The following CHCHD6 variants were observed in gnomAD, a reference collection of about 807,000 sequenced individuals.
CHCHD6 encodes MICOS complex subunit MIC25.
Under a neutral mutation model 32.3 loss-of-function variants are expected in CHCHD6, and 28 were observed. That is an observed-to-expected ratio of 0.87 (90% CI 0.64 to 1.19). The LOEUF (loss-of-function observed/expected upper bound fraction) is 1.19. CHCHD6 is among the 50% of genes most tolerant of loss of function. The probability of loss-of-function intolerance (pLI) is 0.00; values close to 1 mark genes in which losing one functional copy is unlikely to be tolerated. For missense variants in CHCHD6, 333 were observed against 307.0 expected (o/e 1.08, Z -0.63); for synonymous variants, 122 against 117.5 (o/e 1.04, Z -0.25).
chr3:126,955,959 A>G (rs2078777931), intron 6 of CHCHD6, among the ~76,000 whole-genome samples: 1 of 152,198 alleles, frequency 6.6e-6, no homozygotes, highest in Admixed American at 6.5e-5. Flanking sequence ...CATCACTGCT[A>G]AGTCAGCAGT....
At chr3:126,946,894 A>C (rs1354440293) in intron 6 of CHCHD6, among the ~76,000 whole-genome samples, 1 of 152,254 alleles carries the variant, frequency 6.6e-6, no homozygotes, top group Non-Finnish European at 1.5e-5. Flanking sequence ...AGGACATATA[A>C]TAGCCCAGTT....
intron 5 of CHCHD6, among the ~76,000 whole-genome samples, chr3:126,903,340 G>A (rs1027242611): frequency 3.3e-5 from 5 of 152,146 alleles, no homozygotes; most frequent in African/African-American, 9.7e-5. Context: ...AGGGCATAAC[G>A]TTGTCCCTTA....
intron 4 of CHCHD6, among the ~76,000 whole-genome samples, chr3:126,754,268 T>C (rs1297382485): frequency 1.3e-5 from 2 of 152,204 alleles, no homozygotes; most frequent in African/African-American, 4.8e-5. Context: ...GACAGCAATA[T>C]TGACTTCACA....
At chr3:126,723,816 G>A (rs1228895261) in intron 1 of CHCHD6, among the ~76,000 whole-genome samples, 1 of 152,132 alleles carries the variant, frequency 6.6e-6, no homozygotes, top group East Asian at 1.9e-4. Flanking sequence ...AGATATTCTG[G>A]AAGTGGAGTT....
chr3:126,782,377 C>G (rs1937986359), intron 4 of CHCHD6, among the ~76,000 whole-genome samples: 1 of 152,230 alleles, frequency 6.6e-6, no homozygotes, highest in Non-Finnish European at 1.5e-5. Context: ...TGACTGCGAG[C>G]TGTCTGACAT....
chr3:126,867,314 T>C (rs1250069802), intron 5 of CHCHD6, among the ~76,000 whole-genome samples: 1 of 152,232 alleles, frequency 6.6e-6, no homozygotes, highest in East Asian at 1.9e-4. Context: ...AATCAGTACC[T>C]CATCTCAAAG....
At chr3:126,811,591 A>C (rs1263074761) in intron 4 of CHCHD6, among the ~76,000 whole-genome samples, 2 of 150,614 alleles carry the variant, frequency 1.3e-5, no homozygotes, top group Non-Finnish European at 3.0e-5. Flanking sequence ...GCTGTTTTCT[A>C]TACTTTGAAT....
chr3:126,929,966 A>T (rs1265565705), intron 6 of CHCHD6, among the ~76,000 whole-genome samples: 1 of 152,158 alleles, frequency 6.6e-6, no homozygotes, highest in Non-Finnish European at 1.5e-5. Flanking sequence ...ATTAAAGCTG[A>T]CCTCATCCAT....
chr3:126,727,053 T>A lies in CHCHD6; in HGVS notation c.88-25T>A, dbSNP rs1405929970. The A allele has an allele frequency of 3.2e-6, 5 of 1,561,710 alleles. No homozygotes were observed. In the East Asian group the frequency reaches 1.1e-4, roughly 35 times the overall value. Reference sequence around the variant, plus strand: ...GGCACTTCTGTGACATAACTTTTTCTTTTCCCTCTTTTCTGCTTCCTTAGC... The same window carrying A: ...GGCACTTCTGTGACATAACTTTTTCATTTCCCTCTTTTCTGCTTCCTTAGC... On this transcript the variant is annotated intron_variant, in intron 1 of 7. Coordinates refer to ENST00000290913, the MANE Select transcript of CHCHD6 (RefSeq NM_032343.3).
intron 1 of CHCHD6, among the ~76,000 whole-genome samples, chr3:126,711,786 C>G (rs1411960420): frequency 6.6e-6 from 1 of 152,220 alleles, no homozygotes; most frequent in Admixed American, 6.5e-5. Flanking sequence ...GAGCCCGCAT[C>G]AGGAATTGCC....
chr3:126,715,594 A>G (rs1934970343), intron 1 of CHCHD6, among the ~76,000 whole-genome samples: 1 of 152,092 alleles, frequency 6.6e-6, no homozygotes, highest in African/African-American at 2.4e-5. Flanking sequence ...CTTCCTGTGC[A>G]ACCTGTTTGC....
intron 5 of CHCHD6, among the ~76,000 whole-genome samples, chr3:126,877,107 C>A (rs563275166): frequency 6.6e-6 from 1 of 152,218 alleles, no homozygotes; most frequent in Non-Finnish European, 1.5e-5. Context: ...TGTTTGAATC[C>A]ACTTATTTTT....
chr3:126,849,806 G>T (rs906651555), intron 4 of CHCHD6, among the ~76,000 whole-genome samples: 1 of 152,182 alleles, frequency 6.6e-6, no homozygotes, highest in Non-Finnish European at 1.5e-5. Flanking sequence ...TCCCTGTTGT[G>T]CCCTCAGCCC....
chr3:126,710,893 T>G (rs570827021), intron 1 of CHCHD6, among the ~76,000 whole-genome samples: 2 of 152,312 alleles, frequency 1.3e-5, no homozygotes, highest in East Asian at 3.9e-4. Context: ...AAGACTGACT[T>G]CTTTTCCAGT....
intron 4 of CHCHD6, among the ~76,000 whole-genome samples, chr3:126,759,072 C>T (rs1055038186): frequency 3.3e-5 from 5 of 152,200 alleles, no homozygotes; most frequent in South Asian, 2.1e-4. Flanking sequence ...TCCAGCCCTG[C>T]GGCCTCCTGC....
chr3:126,928,175 G>T (rs1296006784), intron 6 of CHCHD6, among the ~76,000 whole-genome samples: 5 of 152,252 alleles, frequency 3.3e-5, no homozygotes, highest in African/African-American at 1.2e-4. Flanking sequence ...GGCAGAGGCT[G>T]GTGAGACCCA....
At chr3:126,811,884 T>G (rs1474661682) in intron 4 of CHCHD6, among the ~76,000 whole-genome samples, 1 of 152,240 alleles carries the variant, frequency 6.6e-6, no homozygotes, top group Non-Finnish European at 1.5e-5. Context: ...TGGCCTATTA[T>G]TCTGGCCTGG....
Position 126,755,731 on chromosome 3 carries a change from T to C in CHCHD6, c.411+22509T>C, listed in dbSNP as rs553748116. On this transcript the variant is annotated intron_variant, in intron 4 of 7. Transcript: ENST00000290913. ...CTCAATATATCAAAATTTGTGGTCATTAAATGTATGAGATGGGAATGAAGT... is the reference window on the plus strand; with the variant it reads ...CTCAATATATCAAAATTTGTGGTCACTAAATGTATGAGATGGGAATGAAGT... 1.6e-3 allele frequency among the ~76,000 whole-genome samples: 246 copies of C among 152,268 alleles called. 2 individuals are homozygous for C. Among genetic ancestry groups the C allele is most frequent in the Non-Finnish European group, 2.4e-3 (166 of 68,012 alleles).
intron 5 of CHCHD6, among the ~76,000 whole-genome samples, chr3:126,910,310 C>T (rs529498208): frequency 6.7e-6 from 1 of 148,190 alleles, no homozygotes; most frequent in East Asian, 2.0e-4. Flanking sequence ...TCTTCCCTGC[C>T]CCTCCTTCAC....
Sources: gnomAD v4.1 joint callset for allele counts (sites outside exome capture counted in the v4.1 genomes callset) on GRCh38, gnomAD v4.1.1 for gene constraint, MANE v1.5 for transcripts, NCBI Gene and HGNC (gene_info 2026-07-23, HGNC 2026-07-21) for gene names.